The following RIT2 variants were observed in gnomAD, a reference collection of about 807,000 sequenced individuals.
RIT2 encodes the protein Ras like without CAAX 2, also known as GTP-binding protein Rit2.
In RIT2, 24 loss-of-function variants were observed where a neutral mutation model predicts 23.7. The observed-to-expected ratio is 1.01, with a 90% CI of 0.73 to 1.43. The LOEUF (loss-of-function observed/expected upper bound fraction) is 1.43, where lower values mean the gene tolerates loss of function less well. Ranked by LOEUF, RIT2 falls within the 40% of genes most tolerant of loss-of-function variation. RIT2 has a pLI of 0.00. For synonymous variants in RIT2, 107 were observed against 91.1 expected, an observed-to-expected ratio of 1.17 and a Z score of -0.99; for missense variants, 236 against 266.9, an observed-to-expected ratio of 0.88 and a Z score of 0.81.
At chr18:43,073,869 C>A (rs751187744) in intron 1 of RIT2, among the ~76,000 whole-genome samples, 5 of 152,042 alleles carry the variant, frequency 3.3e-5, no homozygotes, top group African/African-American at 7.2e-5. Context: ...CTAGGAATGT[C>A]TCATGGAAGA....
intron 3 of RIT2, among the ~76,000 whole-genome samples, chr18:42,952,870 T>C (rs965406615): frequency 2.0e-5 from 3 of 151,974 alleles, no homozygotes; most frequent in Non-Finnish European, 2.9e-5. Flanking sequence ...ACAAGGCTTG[T>C]ATTTTGGGTA....
intron 1 of RIT2, among the ~76,000 whole-genome samples, chr18:43,080,254 A>G (rs1352589132): frequency 6.6e-6 from 1 of 152,176 alleles, no homozygotes; most frequent in African/African-American, 2.4e-5. Flanking sequence ...AAAGGCAGGC[A>G]TTTTTCTTCC....
chr18:42,909,677 C>T (rs1453876409), intron 4 of RIT2, among the ~76,000 whole-genome samples: 1 of 151,744 alleles, frequency 6.6e-6, no homozygotes, highest in Non-Finnish European at 1.5e-5. Flanking sequence ...ATTTTAAAAC[C>T]CTTCAGTTTT....
chr18:42,813,438 C>T (rs1303730752), intron 4 of RIT2, among the ~76,000 whole-genome samples: 1 of 151,930 alleles, frequency 6.6e-6, no homozygotes, highest in East Asian at 1.9e-4. Flanking sequence ...ATTTTTTTGG[C>T]ATTGCAGTTT....
chr18:42,816,781 C>T (rs1324094765), intron 4 of RIT2, among the ~76,000 whole-genome samples: 2 of 152,018 alleles, frequency 1.3e-5, no homozygotes, highest in Non-Finnish European at 2.9e-5. Context: ...AAAAAACCAA[C>T]AATAAACAAA....
intron 1 of RIT2, among the ~76,000 whole-genome samples, chr18:43,095,206 C>G (rs991275542): frequency 6.6e-6 from 1 of 152,118 alleles, no homozygotes; most frequent in African/African-American, 2.4e-5. Context: ...TATTTCTCCA[C>G]ATCCTCTACA....
intron 4 of RIT2, among the ~76,000 whole-genome samples, chr18:42,863,590 A>G (rs12606847): frequency 6.6e-6 from 1 of 152,136 alleles, no homozygotes; most frequent in Non-Finnish European, 1.5e-5. Flanking sequence ...AGTAACATAA[A>G]TTTCTTTCAA....
At chr18:43,014,476 T>C (rs1911425542) in intron 2 of RIT2, among the ~76,000 whole-genome samples, 1 of 151,748 alleles carries the variant, frequency 6.6e-6, no homozygotes, top group African/African-American at 2.4e-5. Flanking sequence ...AGGATATGTA[T>C]TTGTGTTGTG....
At chr18:42,929,171 A>T (rs1332531535) in intron 3 of RIT2, among the ~76,000 whole-genome samples, 1 of 151,386 alleles carries the variant, frequency 6.6e-6, no homozygotes, top group Non-Finnish European at 1.5e-5. Context: ...CAATGAAAAC[A>T]TGATCAATTA....
chr18:43,076,002 A>G (rs1913004859), intron 1 of RIT2, among the ~76,000 whole-genome samples: 1 of 152,208 alleles, frequency 6.6e-6, no homozygotes. Context: ...AGCCATTTCA[A>G]TAGAAACAAG....
intron 4 of RIT2, among the ~76,000 whole-genome samples, chr18:42,838,643 T>C (rs1222746108): frequency 6.6e-6 from 1 of 152,162 alleles, no homozygotes; most frequent in Non-Finnish European, 1.5e-5. Context: ...TCAAAACAGC[T>C]TTGTCTCAGT....
intron 4 of RIT2, among the ~76,000 whole-genome samples, chr18:42,778,835 G>A (rs899481599): frequency 6.6e-6 from 1 of 152,020 alleles, no homozygotes; most frequent in Admixed American, 6.6e-5. Flanking sequence ...TCCCATAATG[G>A]GCAAAGACGG....
chr18:42,865,885 C>G (rs1907456514), intron 4 of RIT2, among the ~76,000 whole-genome samples: 1 of 152,138 alleles, frequency 6.6e-6, no homozygotes, highest in Non-Finnish European at 1.5e-5. Flanking sequence ...AAATGTTTTA[C>G]CAATGTCTTC....
intron 4 of RIT2, among the ~76,000 whole-genome samples, chr18:42,746,572 A>G (rs1912921705): frequency 6.6e-6 from 1 of 152,114 alleles, no homozygotes; most frequent in African/African-American, 2.4e-5. Flanking sequence ...TGTACTAAAA[A>G]TACAGTCTCA....
At chr18:42,895,620 T>C (rs563131953) in intron 4 of RIT2, among the ~76,000 whole-genome samples, 1 of 152,302 alleles carries the variant, frequency 6.6e-6, no homozygotes, top group African/African-American at 2.4e-5. Flanking sequence ...TTCACCCGAT[T>C]GAGGACCTAT....
In RIT2 at chr18:42,950,581, G is replaced by T. The variant is rs28384158; in HGVS notation, c.234+23493C>A. 5.5e-3 allele frequency among the ~76,000 whole-genome samples: 840 copies of T among 152,032 alleles called. 9 individuals are homozygous for T. Among genetic ancestry groups the T allele is most frequent in the African/African-American group, 0.019 (802 of 41,504 alleles). ...ACTAAAGAGCTTCTGCACCGCAAAA[G>T]AAACTTTCAATAGAGTAAACAGACA... On this transcript the variant is annotated intron_variant, in intron 3 of 4. Coordinates refer to ENST00000326695, the MANE Select transcript of RIT2 (RefSeq NM_002930.4).
At chr18:42,943,814 C>A (rs572747499) in intron 3 of RIT2, among the ~76,000 whole-genome samples, 1 of 152,144 alleles carries the variant, frequency 6.6e-6, no homozygotes, top group African/African-American at 2.4e-5. Flanking sequence ...ACTGTACTTA[C>A]TTTTGTCCTA....
In RIT2 at chr18:42,743,437, T is replaced by C. The variant is rs2144807502; in HGVS notation, c.*56A>G. ...TAATATTGAAGCAGAATGCTACATATGGAATTGTCCAACTAATAAAATTCA... is the reference window on the plus strand; with the variant it reads ...TAATATTGAAGCAGAATGCTACATACGGAATTGTCCAACTAATAAAATTCA... On this transcript the variant is annotated 3_prime_UTR_variant, in exon 5 of 5. Transcript: ENST00000326695. 1.6e-6 allele frequency: 2 copies of C among 1,230,480 alleles called. No homozygotes were observed. Among genetic ancestry groups the C allele is most frequent in the Admixed American group, 3.4e-5 (2 of 58,358 alleles). The allele number at this position is 1,230,480 out of a possible 1,614,324, so 76.2% of individuals were successfully genotyped here. A position where few individuals can be genotyped will look rare whatever the true frequency, so the allele number is the denominator to read the frequency against.
intron 4 of RIT2, among the ~76,000 whole-genome samples, chr18:42,894,028 C>T (rs1000384170): frequency 6.6e-6 from 1 of 152,186 alleles, no homozygotes; most frequent in African/African-American, 2.4e-5. Context: ...GTATTCAGGA[C>T]AGCAAGCATG....
Sources: allele counts gnomAD v4.1 joint callset (sites outside exome capture counted in the v4.1 genomes callset), GRCh38; gene constraint gnomAD v4.1.1; transcripts MANE v1.5; gene names NCBI Gene and HGNC (gene_info 2026-07-23, HGNC 2026-07-21).